The following COMMD1 variants were observed in gnomAD, a reference collection of about 807,000 sequenced individuals.
COMMD1 encodes COMM domain-containing protein 1.
COMMD1 carries 10 observed loss-of-function variants against 17.2 expected under a neutral mutation model. The observed-to-expected ratio is 0.58, with a 90% CI of 0.36 to 0.99. COMMD1 has a LOEUF of 0.99. Among genes scored for constraint, COMMD1 ranks in the 50% least tolerant of loss-of-function variants. The pLI, the probability that COMMD1 is intolerant of heterozygous loss-of-function variation, is 0.01. For missense variants in COMMD1, 270 were observed against 231.8 expected (o/e 1.17, Z -1.07); for synonymous variants, 97 against 91.6 (o/e 1.06, Z -0.34).
At chr2:62,128,866 T>C (rs1964485) in intron 2 of COMMD1, among the ~76,000 whole-genome samples, 132,090 of 151,658 alleles carry the variant, frequency 0.87, 57,821 homozygotes, top group African/African-American at 0.96. Flanking sequence ...GCAGGTGAAT[T>C]GCTTGAACCT....
chr2:61,942,424 A>C (rs1000390133), intron 1 of COMMD1, among the ~76,000 whole-genome samples: 1 of 137,870 alleles, frequency 7.3e-6, no homozygotes, highest in African/African-American at 2.8e-5. Context: ...TGGTTTGTTT[A>C]TTTTTGAGAC....
intron 1 of COMMD1, among the ~76,000 whole-genome samples, chr2:61,891,035 T>C (rs1298742273): frequency 6.6e-6 from 1 of 152,170 alleles, no homozygotes; most frequent in African/African-American, 2.4e-5. Flanking sequence ...ATACTGGATT[T>C]GAGTTTATTA....
At position 62,014,542 on chromosome 2, in the gene COMMD1, C is replaced by CTTT. The variant is rs67886279; in HGVS notation, c.462+13595_462+13597dup. Among the ~76,000 whole-genome samples, 16 of 63,534 alleles carry CTTT rather than the reference C, an allele frequency of 2.5e-4. 1 individual carries two copies. The highest frequency in any genetic ancestry group is 2.9e-4 in the African/African-American group (4 of 13,994). The allele number at this position is 63,534 out of a possible 152,430, so 41.7% of individuals were successfully genotyped here. A position where few individuals can be genotyped will look rare whatever the true frequency, so the allele number is the denominator to read the frequency against. On this transcript the variant is annotated intron_variant, in intron 2 of 2. Transcript: ENST00000311832. ...CATAACAAAATTTTACCATTTTAAC[C>CTTT]TTTTTTTTTTTTTTTTTTTTTTTTT...
intron 1 of COMMD1, among the ~76,000 whole-genome samples, chr2:61,892,341 C>T (rs1014052643): frequency 1.3e-5 from 2 of 151,848 alleles, no homozygotes; most frequent in African/African-American, 2.4e-5. Context: ...ATGAATAGCC[C>T]ACGATGTCCT....
intron 2 of COMMD1, among the ~76,000 whole-genome samples, chr2:62,055,124 C>A (rs966893865): frequency 4.6e-5 from 7 of 152,130 alleles, no homozygotes; most frequent in African/African-American, 1.7e-4. Flanking sequence ...AATTAAGCTG[C>A]ATCTGGTGGC....
intron 1 of COMMD1, among the ~76,000 whole-genome samples, chr2:61,919,676 C>T (rs1207286367): frequency 6.6e-6 from 1 of 151,852 alleles, no homozygotes; most frequent in Non-Finnish European, 1.5e-5. Flanking sequence ...GGAACTGGTG[C>T]CCTGAGTTTT....
intron 2 of COMMD1, among the ~76,000 whole-genome samples, chr2:62,009,486 T>C (rs1198088701): frequency 6.6e-6 from 1 of 151,450 alleles, no homozygotes; most frequent in Non-Finnish European, 1.5e-5. Context: ...ATGCCTGTAG[T>C]CCCAACTACT....
intron 1 of COMMD1, among the ~76,000 whole-genome samples, chr2:61,951,412 A>G (rs1186393968): frequency 6.6e-6 from 1 of 151,820 alleles, no homozygotes; most frequent in Admixed American, 6.6e-5. Flanking sequence ...GTGAGCCGAC[A>G]TCGTGCCACA....
intron 1 of COMMD1, among the ~76,000 whole-genome samples, chr2:61,946,749 A>G (rs1670917372): frequency 6.6e-6 from 1 of 152,174 alleles, no homozygotes; most frequent in East Asian, 1.9e-4. Context: ...ATAAAATACT[A>G]GTTTTTTTCT....
chr2:62,128,081 A>T (rs1672931214), intron 2 of COMMD1, among the ~76,000 whole-genome samples: 1 of 151,608 alleles, frequency 6.6e-6, no homozygotes, highest in Admixed American at 6.6e-5. Context: ...TAATCCCAGC[A>T]CTTTGGGAGG....
chr2:61,964,456 C>T (rs1468269758), intron 1 of COMMD1, among the ~76,000 whole-genome samples: 7 of 152,144 alleles, frequency 4.6e-5, no homozygotes, highest in South Asian at 2.1e-4. Context: ...TTAAGCAATC[C>T]GCCCCATTTG....
chr2:61,984,170 G>A (rs1158449264), intron 1 of COMMD1, among the ~76,000 whole-genome samples: 4 of 152,094 alleles, frequency 2.6e-5, no homozygotes, highest in African/African-American at 9.7e-5. Context: ...GATTACAGGC[G>A]TGTGCCACCA....
At chr2:61,948,986 G>T (rs1170007490) in intron 1 of COMMD1, among the ~76,000 whole-genome samples, 2 of 152,204 alleles carry the variant, frequency 1.3e-5, no homozygotes, top group Non-Finnish European at 2.9e-5. Flanking sequence ...CCATTGAAGT[G>T]CTGGGCACGG....
chr2:62,134,446 T>C (rs1249621127), intron 2 of COMMD1, among the ~76,000 whole-genome samples: 1 of 152,046 alleles, frequency 6.6e-6, no homozygotes, highest in Non-Finnish European at 1.5e-5. Context: ...CTGAAGGATT[T>C]TGAATGTAGT....
chr2:61,905,929 C>T (rs989965146), intron 1 of COMMD1, 71 bp downstream of exon 1: 4 of 1,484,582 alleles, frequency 2.7e-6, no homozygotes, highest in South Asian at 1.1e-5. Flanking sequence ...CTCTCCCCCC[C>T]TTGCCTTCCC....
chr2:61,922,067 A>G (rs1338107733), intron 1 of COMMD1, among the ~76,000 whole-genome samples: 3 of 152,202 alleles, frequency 2.0e-5, no homozygotes, highest in Admixed American at 6.5e-5. Flanking sequence ...ATTGTAGAAA[A>G]TGATCAGTTT....
At chr2:62,013,551 A>C (rs547501676) in intron 2 of COMMD1, among the ~76,000 whole-genome samples, 4 of 152,208 alleles carry the variant, frequency 2.6e-5, no homozygotes, top group Non-Finnish European at 5.9e-5. Context: ...AAAAAGTGAA[A>C]GCAGGAGGCC....
At chr2:62,036,859 C>A (rs1000984910) in intron 2 of COMMD1, among the ~76,000 whole-genome samples, 1 of 152,182 alleles carries the variant, frequency 6.6e-6, no homozygotes, top group African/African-American at 2.4e-5. Context: ...GATTACTGCT[C>A]ATACTCTTGT....
At chr2:62,051,502 T>G (rs1293781203) in intron 2 of COMMD1, among the ~76,000 whole-genome samples, 1 of 152,248 alleles carries the variant, frequency 6.6e-6, no homozygotes, top group African/African-American at 2.4e-5. Context: ...ACAAACTTTC[T>G]TCTCCTCATC....
Sources: gnomAD v4.1 joint callset for allele counts (sites outside exome capture counted in the v4.1 genomes callset) on GRCh38, gnomAD v4.1.1 for gene constraint, MANE v1.5 for transcripts, NCBI Gene and HGNC (gene_info 2026-07-23, HGNC 2026-07-21) for gene names.